RBPJ: variants seen among roughly 807,000 people sequenced by gnomAD.
RBPJ encodes recombining binding protein suppressor of hairless.
A neutral mutation model predicts 67.8 loss-of-function variants in RBPJ; 9 were observed. That is an observed-to-expected ratio of 0.13 (90% CI 0.08 to 0.23). RBPJ has a LOEUF of 0.23. Ranked by LOEUF, RBPJ falls within the 10% of genes least tolerant of loss-of-function variation. The probability of loss-of-function intolerance (pLI) is 1.00; values close to 1 mark genes in which losing one functional copy is unlikely to be tolerated. For synonymous variants in RBPJ, 198 were observed against 203.3 expected, an observed-to-expected ratio of 0.97 and a Z score of 0.22; for missense variants, 305 against 595.6, an observed-to-expected ratio of 0.51 and a Z score of 5.08.
chr4:26,163,771 A>G (rs923772122), intron 1 of RBPJ, among the ~76,000 whole-genome samples: 2 of 152,218 alleles, frequency 1.3e-5, no homozygotes, highest in South Asian at 4.1e-4. Flanking sequence ...AAATCTCTGC[A>G]TGGTAGTGTT....
intron 1 of RBPJ, among the ~76,000 whole-genome samples, chr4:26,377,827 A>G (rs552499181): frequency 6.6e-6 from 1 of 152,246 alleles, no homozygotes; most frequent in South Asian, 2.1e-4. Context: ...AGAGAATGCA[A>G]TTTTATCTTG....
At chr4:26,362,869 C>A (rs1185359756) in intron 1 of RBPJ, among the ~76,000 whole-genome samples, 1 of 151,974 alleles carries the variant, frequency 6.6e-6, no homozygotes, top group African/African-American at 2.4e-5. Flanking sequence ...AGTATTTTCC[C>A]TAAGTTTTTA....
intron 1 of RBPJ, among the ~76,000 whole-genome samples, chr4:26,188,599 G>A (rs1449377652): frequency 2.0e-5 from 3 of 152,028 alleles, no homozygotes; most frequent in African/African-American, 7.2e-5. Flanking sequence ...TTACCTTGTG[G>A]ACCTTAAATA....
intron 1 of RBPJ, among the ~76,000 whole-genome samples, chr4:26,300,685 T>C (rs1440378578): frequency 6.6e-6 from 1 of 152,212 alleles, no homozygotes; most frequent in Non-Finnish European, 1.5e-5. Flanking sequence ...TTTCATTATC[T>C]GTGTCTCTAT....
intron 1 of RBPJ, among the ~76,000 whole-genome samples, chr4:26,324,980 C>G (rs1432603494): frequency 6.6e-6 from 1 of 152,132 alleles, no homozygotes; most frequent in Admixed American, 6.5e-5. Context: ...ATAACCATGA[C>G]TATAATTTCA....
intron 1 of RBPJ, among the ~76,000 whole-genome samples, chr4:26,178,836 A>G (rs975360217): frequency 6.6e-6 from 1 of 151,964 alleles, no homozygotes; most frequent in African/African-American, 2.4e-5. Flanking sequence ...TTGGTTTCCA[A>G]ATTTTTTCTA....
At chr4:26,209,939 G>C (rs1258292923) in intron 1 of RBPJ, among the ~76,000 whole-genome samples, 1 of 147,216 alleles carries the variant, frequency 6.8e-6, no homozygotes. Context: ...TTTTCATTTT[G>C]GGTGGGAAGT....
intron 1 of RBPJ, chr4:26,362,431 G>GT (rs1215598676): frequency 7.1e-7 from 1 of 1,407,378 alleles, no homozygotes; most frequent in Non-Finnish European, 9.3e-7. Context: ...CTTATTTTTT[G>GT]TTTTTGTTTT....
intron 1 of RBPJ, among the ~76,000 whole-genome samples, chr4:26,165,993 A>T (rs1161627287): frequency 2.0e-5 from 3 of 151,206 alleles, no homozygotes; most frequent in African/African-American, 7.3e-5. Context: ...TTGCGATAGT[A>T]TACTGAGAAT....
At chr4:26,228,417 T>C (rs2109200931) in intron 1 of RBPJ, among the ~76,000 whole-genome samples, 1 of 152,310 alleles carries the variant, frequency 6.6e-6, no homozygotes, top group Admixed American at 6.5e-5. Context: ...CCGGTCTTGA[T>C]GTTATTGCTG....
At chr4:26,327,261 G>A (rs933484946) in intron 1 of RBPJ, among the ~76,000 whole-genome samples, 4 of 152,124 alleles carry the variant, frequency 2.6e-5, no homozygotes, top group South Asian at 2.1e-4. Context: ...TGGGGAAGGC[G>A]TCACAGGCAC....
intron 1 of RBPJ, among the ~76,000 whole-genome samples, chr4:26,198,242 G>A (rs546409254): frequency 4.1e-4 from 60 of 147,194 alleles, no homozygotes; most frequent in East Asian, 1.2e-3. Flanking sequence ...CAACAAGAGC[G>A]AAACTCCATC....
chr4:26,316,484 TATTC>T (rs1344650193), upstream of RBPJ, among the ~76,000 whole-genome samples: 5 of 104,512 alleles, frequency 4.8e-5, no homozygotes, highest in African/African-American at 1.6e-4. Context: ...CATATATACA[TATTC>T]ATATATATAT....
At chr4:26,209,100 T>A (rs371633834) in intron 1 of RBPJ, among the ~76,000 whole-genome samples, 33,192 of 140,070 alleles carry the variant, frequency 0.24, 4,046 homozygotes, top group Middle Eastern at 0.33. Flanking sequence ...AGAAAAAAAA[T>A]ATATATATAT....
chr4:26,238,422 T>C (rs1345871005), intron 1 of RBPJ, among the ~76,000 whole-genome samples: 2 of 152,180 alleles, frequency 1.3e-5, no homozygotes, highest in Admixed American at 1.3e-4. Context: ...AGGAGAATCA[T>C]TGTATTAATG....
Position 26,211,550 on chromosome 4 carries a change from A to G in RBPJ, c.-167+47936A>G, listed in dbSNP as rs1032979964. On this transcript the variant is annotated intron_variant, in intron 1 of 4. Transcript: ENST00000512351. ...TTCAGTAGTTTTTAATATATTCATA[A>G]AGTTGCACGACCATCATCAATTTAT... Among the ~76,000 whole-genome samples, 56 of 152,172 alleles carry G rather than the reference A, an allele frequency of 3.7e-4. 2 individuals carry two copies. The highest frequency in any genetic ancestry group is 7.3e-5 in the Non-Finnish European group (5 of 68,030).
At chr4:26,417,652 G>A (rs1406297851) in intron 4 of RBPJ, among the ~76,000 whole-genome samples, 1 of 152,196 alleles carries the variant, frequency 6.6e-6, no homozygotes, top group Non-Finnish European at 1.5e-5. Context: ...ATATAATCAT[G>A]TGCTTAGAGC....
At chr4:26,316,606 ACACATATTG>A (rs1240457517), upstream of RBPJ, among the ~76,000 whole-genome samples, 25 of 140,388 alleles carry the variant, frequency 1.8e-4, no homozygotes, top group Middle Eastern at 3.9e-3. Flanking sequence ...ATATATATAT[ACACATATTG>A]ATATATATAT....
intron 1 of RBPJ, among the ~76,000 whole-genome samples, chr4:26,371,172 T>A (rs140121042): frequency 4.6e-5 from 7 of 152,340 alleles, no homozygotes; most frequent in South Asian, 2.1e-4. Context: ...TCAGTTTTTT[T>A]AAATCATCAT....
Sources: allele counts gnomAD v4.1 joint callset (sites outside exome capture counted in the v4.1 genomes callset), GRCh38; gene constraint gnomAD v4.1.1; transcripts MANE v1.5; gene names NCBI Gene and HGNC (gene_info 2026-07-23, HGNC 2026-07-21).